Variants in VNN1 observed in about 807,000 individuals in gnomAD.
VNN1 encodes the protein pantetheinase.
VNN1 carries 29 observed loss-of-function variants against 41.9 expected under a neutral mutation model. The ratio of observed to expected loss-of-function variants is 0.69; its 90% CI spans 0.52 to 0.94. VNN1 has a LOEUF of 0.94. VNN1 is among the 40% of genes least tolerant of loss of function. The pLI, the probability that VNN1 is intolerant of heterozygous loss-of-function variation, is 0.00. For missense variants in VNN1, 637 were observed against 621.1 expected (o/e 1.03, Z -0.27); for synonymous variants, 233 against 224.4 (o/e 1.04, Z -0.34).
intron 2 of VNN1, among the ~76,000 whole-genome samples, chr6:132,708,029 A>G (rs569210038): frequency 5.3e-5 from 8 of 152,226 alleles, no homozygotes; most frequent in Non-Finnish European, 1.2e-4. Context: ...GTGTACAAAC[A>G]TCAAAACATC....
At position 132,692,448 on chromosome 6, in the gene VNN1, G is replaced by T; in HGVS notation, c.963C>A (p.Ser321Arg). The T allele has an allele frequency of 1.2e-6, 2 of 1,614,088 alleles. No individual in the cohort carries two copies. The highest frequency in any genetic ancestry group is 1.7e-6 in the Non-Finnish European group (2 of 1,180,028). ...TTCCTGATGAGAGCGCTTCTATACT[G>T]CTGGCATAGGAAGTCCAGTTCACCA... ...SAVVNWTSYA[S>R]SIEALSSGNK... Residue 321 changes from serine to arginine, a missense_variant, in exon 5 of 7, where the codon AGC (serine) becomes AGA (arginine). Ser to Arg is a moderately radical substitution (Grantham distance 110). Transcript: ENST00000367928.
At chr6:132,702,262 T>C (rs1778458347) in intron 2 of VNN1, among the ~76,000 whole-genome samples, 1 of 152,238 alleles carries the variant, frequency 6.6e-6, no homozygotes. Flanking sequence ...GGAAGCCTGT[T>C]GTGAACTGTG....
chr6:132,707,991 A>G (rs549680439), intron 2 of VNN1, among the ~76,000 whole-genome samples: 14 of 152,364 alleles, frequency 9.2e-5, no homozygotes, highest in African/African-American at 3.4e-4. Context: ...CCCATTCTTC[A>G]TGATGTGATT....
chr6:132,687,287 T>C (rs189175116), intron 5 of VNN1, among the ~76,000 whole-genome samples: 3 of 152,272 alleles, frequency 2.0e-5, no homozygotes, highest in Non-Finnish European at 4.4e-5. Context: ...CCCAGGGAAA[T>C]ACTTAACTAA....
At position 132,681,358 on chromosome 6, in the gene VNN1, G is replaced by A. The variant is rs183812909; in HGVS notation, c.*1782C>T. ...TGAGCTGAGAAGCAGATTTTCTCCA[G>A]CCCCACCCGAGCCTTGAGATGATGG... On this transcript the variant is annotated 3_prime_UTR_variant, in exon 7 of 7. Transcript: ENST00000367928. Among the ~76,000 whole-genome samples, 2 of 152,128 alleles carry A rather than the reference G, an allele frequency of 1.3e-5. No individual in the cohort carries two copies. The highest frequency in any genetic ancestry group is 4.8e-5 in the African/African-American group (2 of 41,416).
intron 2 of VNN1, among the ~76,000 whole-genome samples, chr6:132,695,861 CAT>C (rs1562217113): frequency 1.3e-5 from 2 of 152,094 alleles, no homozygotes; most frequent in Non-Finnish European, 2.9e-5. Flanking sequence ...AACAAACAAA[CAT>C]AGCAAACCCA....
intron 2 of VNN1, among the ~76,000 whole-genome samples, chr6:132,711,483 T>C (rs1774795474): frequency 6.6e-6 from 1 of 152,218 alleles, no homozygotes; most frequent in African/African-American, 2.4e-5. Flanking sequence ...AGACCAGAGA[T>C]GTTCACACTG....
At chr6:132,702,654 T>C (rs778541813) in intron 2 of VNN1, among the ~76,000 whole-genome samples, 31 of 152,196 alleles carry the variant, frequency 2.0e-4, no homozygotes, top group Non-Finnish European at 4.3e-4. Context: ...AAGAGGACTT[T>C]GTCTTGCAAC....
chr6:132,700,797 A>G (rs1212275694), intron 2 of VNN1, among the ~76,000 whole-genome samples: 1 of 152,210 alleles, frequency 6.6e-6, no homozygotes, highest in Admixed American at 6.5e-5. Flanking sequence ...CACATTTAAC[A>G]GTAATATTTA....
chr6:132,713,282 A>G (rs936859355), intron 1 of VNN1, among the ~76,000 whole-genome samples: 6 of 152,352 alleles, frequency 3.9e-5, no homozygotes, highest in African/African-American at 1.4e-4. Flanking sequence ...ATACTGTATG[A>G]TTAACTTCAA....
rs542004059 is a variant in VNN1, at chr6:132,685,663, C to G, written c.1189-1158G>C. 5.9e-5 allele frequency among the ~76,000 whole-genome samples: 9 copies of G among 152,320 alleles called. No individual in the cohort carries two copies. In the East Asian group the frequency reaches 1.3e-3, roughly 23 times the overall value. On this transcript the variant is annotated intron_variant, in intron 5 of 6. Coordinates refer to ENST00000367928, the MANE Select transcript of VNN1 (RefSeq NM_004666.3). ...AGAAAGAGCCAAGAATCCCTATCTA[C>G]ACTGCAAAGCACTCAAATTAATCAC...
Position 132,703,558 on chromosome 6 carries a change from A to C in VNN1, c.341+8151T>G, listed in dbSNP as rs138987120. The stretch of plus-strand genomic sequence containing the variant: ...CATCAAATCAAAAAACCTACAACAG[A>C]TACACAAAAAATGAAAAGCAAAAAT... On this transcript the variant is annotated intron_variant, in intron 2 of 6. Transcript: ENST00000367928. Among the ~76,000 whole-genome samples, 2 of 152,288 alleles carry C rather than the reference A, an allele frequency of 1.3e-5. 1 individual carries two copies. Among genetic ancestry groups the C allele is most frequent in the East Asian group, 3.9e-4 (2 of 5,190 alleles).
Position 132,693,278 on chromosome 6 carries a change from G to A in VNN1, c.572C>T (p.Pro191Leu). ...GAAAGTCACAATCTCAGGCTCCTTG[G>A]GTACATTGAATTGATTTTCACCCAT... Reference protein sequence around the residue: ...LFMGENQFNVPKEPEIVTFNT... With the variant: ...LFMGENQFNVLKEPEIVTFNT... Residue 191 changes from proline (P) to leucine (L), a missense_variant, in exon 4 of 7, where the codon CCC (proline) becomes CTC (leucine). Physicochemically the swap from Pro to Leu is moderately conservative, Grantham distance 98. Coordinates refer to ENST00000367928, the MANE Select transcript of VNN1 (RefSeq NM_004666.3). The A allele has an allele frequency of 6.2e-7, 1 of 1,611,650 alleles. No homozygotes were observed. The highest frequency in any genetic ancestry group is 8.5e-7 in the Non-Finnish European group (1 of 1,179,190).
At chr6:132,698,673 G>C (rs1031369489) in intron 2 of VNN1, 4 of 153,058 alleles carry the variant, frequency 2.6e-5, no homozygotes, top group Non-Finnish European at 5.9e-5. Context: ...TCCCCTCCCT[G>C]GGCCTCTCTG....
chr6:132,688,426 A>G (rs547236707), intron 5 of VNN1, among the ~76,000 whole-genome samples: 1 of 152,324 alleles, frequency 6.6e-6, no homozygotes, highest in South Asian at 2.1e-4. Flanking sequence ...GTCTAGCAAG[A>G]TAAACAGAAA....
intron 5 of VNN1, among the ~76,000 whole-genome samples, chr6:132,690,022 T>C (rs1380798293): frequency 1.3e-5 from 2 of 152,216 alleles, no homozygotes; most frequent in African/African-American, 2.4e-5. Context: ...CCACATCAAA[T>C]TGGCCACTGA....
At chr6:132,713,752 C>A in intron 1 of VNN1, 74 bp downstream of exon 1, 8 of 1,504,134 alleles carry the variant, frequency 5.3e-6, no homozygotes, top group Non-Finnish European at 6.4e-6. Context: ...CTGACCCTGA[C>A]AGTGGCCCTG....
In VNN1 at chr6:132,694,260, C is replaced by T. The variant is rs886579332; in HGVS notation, c.342-78G>A. On this transcript the variant is annotated intron_variant, in intron 2 of 6. Transcript: ENST00000367928. ...CAACAAAATCCTGAATGATAGTTGC[C>T]TAAACCTATTATTTGATATATGCAA... 1.6e-5 allele frequency: 21 copies of T among 1,342,654 alleles called. No individual in the cohort carries two copies. In the Admixed American group the frequency reaches 4.8e-4, roughly 31 times the overall value. 83.2% of individuals were successfully genotyped at this position (1,342,654 alleles called of 1,614,324 possible). A position where few individuals can be genotyped will look rare whatever the true frequency, so the allele number is the denominator to read the frequency against.
chr6:132,684,534 A>T (rs760160824), intron 5 of VNN1, 29 bp from the exon 6 acceptor site: 2 of 1,611,436 alleles, frequency 1.2e-6, no homozygotes, highest in South Asian at 2.2e-5. Context: ...CCAGTAAGTC[A>T]TAAGAAAGTC....
Sources: gnomAD v4.1 joint callset for allele counts (sites outside exome capture counted in the v4.1 genomes callset) on GRCh38, gnomAD v4.1.1 for gene constraint, MANE v1.5 for transcripts, NCBI Gene and HGNC (gene_info 2026-07-23, HGNC 2026-07-21) for gene names.